CPS1: variants seen among roughly 807,000 people sequenced by gnomAD.
CPS1 encodes carbamoyl-phosphate synthase 1.
CPS1 carries 109 observed loss-of-function variants against 174.6 expected under a neutral mutation model. The ratio of observed to expected loss-of-function variants is 0.62; its 90% CI spans 0.53 to 0.73. The LOEUF is 0.73. Ranked by LOEUF, CPS1 falls within the 30% of genes least tolerant of loss-of-function variation. The pLI, the probability that CPS1 is intolerant of heterozygous loss-of-function variation, is 0.00. For missense variants in CPS1, 1,689 were observed against 1,821.9 expected (o/e 0.93, Z 1.33); for synonymous variants, 637 against 632.0 (o/e 1.01, Z -0.12).
chr2:210,587,929 C>T, intron 6 of CPS1, 129 bp from the exon 7 acceptor site: 1 of 833,234 alleles, frequency 1.2e-6, no homozygotes, highest in Non-Finnish European at 2.1e-6. Flanking sequence ...AACTGCCAGT[C>T]ACTCCCTAGT....
Position 210,660,566 on chromosome 2 carries a change from A to G in CPS1, c.3838A>G (p.Thr1280Ala). 6.2e-7 allele frequency: 1 copy of G among 1,614,130 alleles called. No individual in the cohort carries two copies. Among genetic ancestry groups the G allele is most frequent in the Non-Finnish European group, 8.5e-7 (1 of 1,179,984 alleles). The change falls in exon 32 of 38, where the codon ACC becomes GCC. Residue 1280 changes from threonine (T) to alanine (A), a missense_variant. By Grantham distance (58) the Thr-to-Ala change is moderately conservative. Transcript: ENST00000233072. Reference sequence around the variant, plus strand: ...TGGGGTTGACTTCATTGATGTGGCCACCAAGGTGATGATTGGAGAGAATGT... The same window carrying G: ...TGGGGTTGACTTCATTGATGTGGCCGCCAAGGTGATGATTGGAGAGAATGT... ...TLGVDFIDVA[T>A]KVMIGENVDE...
chr2:210,540,703 A>G (rs1372994182), intron 1 of CPS1, among the ~76,000 whole-genome samples: 1 of 152,186 alleles, frequency 6.6e-6, no homozygotes, highest in Non-Finnish European at 1.5e-5. Context: ...AACTTGTTCA[A>G]GGTCACACAA....
intron 1 of CPS1, among the ~76,000 whole-genome samples, chr2:210,509,436 C>CA (rs1695389715): frequency 6.6e-6 from 1 of 152,144 alleles, no homozygotes; most frequent in Non-Finnish European, 1.5e-5. Context: ...ACTGAATGGG[C>CA]AAAAACTGGA....
chr2:210,556,129 G>C (rs1234772684), upstream of CPS1, among the ~76,000 whole-genome samples: 2 of 151,880 alleles, frequency 1.3e-5, no homozygotes, highest in Admixed American at 1.3e-4. Context: ...TTGTATATTT[G>C]TGGAGAAAAG....
intron 1 of CPS1, among the ~76,000 whole-genome samples, chr2:210,506,347 C>G (rs1372338008): frequency 1.3e-5 from 2 of 152,098 alleles, no homozygotes; most frequent in African/African-American, 2.4e-5. Context: ...GGAAAACTAA[C>G]AAGCAGAAAA....
chr2:210,658,540 G>A, intron 30 of CPS1, 59 bp from the exon 31 acceptor site: 3 of 1,444,622 alleles, frequency 2.1e-6, no homozygotes, highest in South Asian at 1.2e-5. Flanking sequence ...CTTTTAGAAA[G>A]TTTTCAAAAA....
At chr2:210,489,526 GAA>G (rs1694816822) in intron 1 of CPS1, among the ~76,000 whole-genome samples, 2 of 152,116 alleles carry the variant, frequency 1.3e-5, no homozygotes, top group Admixed American at 6.5e-5. Flanking sequence ...AAGTAGGAAG[GAA>G]AGTTTTCTTC....
intron 20 of CPS1, among the ~76,000 whole-genome samples, 179 bp from the exon 21 acceptor site, chr2:210,616,244 C>A (rs1339859707): frequency 6.6e-6 from 1 of 151,932 alleles, no homozygotes; most frequent in Non-Finnish European, 1.5e-5. Flanking sequence ...ATATAGTTGG[C>A]ACCATCTTTA....
At chr2:210,662,519 T>C (rs1357812059) in intron 32 of CPS1, among the ~76,000 whole-genome samples, 4 of 152,188 alleles carry the variant, frequency 2.6e-5, no homozygotes, top group Admixed American at 6.5e-5. Flanking sequence ...GAACTTAGTT[T>C]TTCATGAATT....
Position 210,593,071 on chromosome 2 carries a change from G to C in CPS1, c.1164+115G>C, listed in dbSNP as rs1698365457. On this transcript the variant is annotated intron_variant, in intron 11 of 37. Coordinates refer to ENST00000233072, the MANE Select transcript of CPS1 (RefSeq NM_001875.5). ...ATCTTGAGCAGAACATTCTCAAGAA[G>C]AGTGCTTTGGTAACACACATTTTGT... 5 of 923,052 alleles carry C rather than the reference G, an allele frequency of 5.4e-6. No individual in the cohort carries two copies. The African/African-American group carries it at 6.5e-5, about 12-fold the overall frequency. The allele number at this position is 923,052 out of a possible 1,614,324, so 57.2% of individuals were successfully genotyped here.
At chr2:210,541,168 A>G (rs1225236808) in intron 1 of CPS1, among the ~76,000 whole-genome samples, 1 of 152,152 alleles carries the variant, frequency 6.6e-6, no homozygotes, top group African/African-American at 2.4e-5. Context: ...AGTCTGCATC[A>G]CCTAATATTA....
intron 21 of CPS1, among the ~76,000 whole-genome samples, chr2:210,630,764 G>A (rs1034240460): frequency 4.6e-5 from 7 of 152,044 alleles, no homozygotes; most frequent in African/African-American, 1.7e-4. Flanking sequence ...TGCATTTCTC[G>A]TAAGGAAACA....
intron 32 of CPS1, among the ~76,000 whole-genome samples, chr2:210,661,349 G>T (rs1043762453): frequency 6.6e-6 from 1 of 152,146 alleles, no homozygotes; most frequent in Non-Finnish European, 1.5e-5. Flanking sequence ...GAGGATTAGT[G>T]ATATATAAAC....
At position 210,591,974 on chromosome 2, in the gene CPS1, A is replaced by G. The variant is rs1462153139; in HGVS notation, c.1086+5A>G. On this transcript the variant is annotated splice_donor_5th_base_variant and intron_variant, in intron 10 of 37. Transcript: ENST00000233072. ...GTCAACGATCAAACAAATGAGGTAA[A>G]TGATGTCAATAAACCTGTTCAGTTG... 2 of 1,610,384 alleles carry G rather than the reference A, an allele frequency of 1.2e-6. No homozygotes were observed. Among genetic ancestry groups the G allele is most frequent in the Non-Finnish European group, 1.7e-6 (2 of 1,178,404 alleles).
chr2:210,573,400 C>G lies in CPS1; in HGVS notation c.229C>G (p.Leu77Val), dbSNP rs765626352. The G allele has an allele frequency of 6.2e-7, 1 of 1,609,956 alleles. No individual in the cohort carries two copies. The highest frequency in any genetic ancestry group is 1.1e-5 in the South Asian group (1 of 90,978). ...VAGEVVFNTG[L>V]GGYPEAITDP... ...TGGTGAAGTGGTTTTTAATACTGGCCTGGGAGGGTGAGTAATGCTTTTCCA... is the reference window on the plus strand; with the variant it reads ...TGGTGAAGTGGTTTTTAATACTGGCGTGGGAGGGTGAGTAATGCTTTTCCA... Residue 77 changes from leucine to valine, a missense_variant, in exon 2 of 38, where the codon CTG becomes GTG. Transcript: ENST00000233072.
intron 33 of CPS1, among the ~76,000 whole-genome samples, chr2:210,664,654 G>C (rs4233981): frequency 0.75 from 113,894 of 152,042 alleles, 43,501 homozygotes; most frequent in Non-Finnish European, 0.82. Context: ...GTTTTCAGTG[G>C]TTATGTTCAT....
chr2:210,496,149 A>G lies in CPS1; in HGVS notation c.3+18383A>G, dbSNP rs546679759. On this transcript the variant is annotated intron_variant, in intron 1 of 38. Transcript: ENST00000430249. ...TGCACCTCACCAAAAACTTCCACCT[A>G]GCAGGGGCACTAGAAGCTTCTGTGG... 3.3e-5 allele frequency among the ~76,000 whole-genome samples: 5 copies of G among 151,774 alleles called. No homozygotes were observed. In the East Asian group the frequency reaches 9.7e-4, roughly 29 times the overall value.
chr2:210,500,599 T>A (rs1173604147), intron 1 of CPS1, among the ~76,000 whole-genome samples: 2 of 152,220 alleles, frequency 1.3e-5, no homozygotes, highest in Non-Finnish European at 2.9e-5. Flanking sequence ...AATGATCTCC[T>A]TTGACTCTTA....
At chr2:210,486,115 TACACACACACACACACAC>T (rs60740361) in intron 1 of CPS1, among the ~76,000 whole-genome samples, 2 of 135,664 alleles carry the variant, frequency 1.5e-5, no homozygotes, top group South Asian at 2.4e-4. Flanking sequence ...CACACACACA[TACACACACACACACACAC>T]ACACACACAC....
Sources: allele counts gnomAD v4.1 joint callset (sites outside exome capture counted in the v4.1 genomes callset), GRCh38; gene constraint gnomAD v4.1.1; transcripts MANE v1.5; gene names NCBI Gene and HGNC (gene_info 2026-07-23, HGNC 2026-07-21).